Variants in TRAK1 observed in about 807,000 individuals in gnomAD.
The protein encoded by TRAK1 is trafficking kinesin protein 1.
A neutral mutation model predicts 92.1 loss-of-function variants in TRAK1; 33 were observed. The observed-to-expected ratio is 0.36, with a 90% CI of 0.27 to 0.48. The LOEUF (loss-of-function observed/expected upper bound fraction) is 0.48, where lower values mean the gene tolerates loss of function less well. Ranked by LOEUF, TRAK1 falls within the 20% of genes least tolerant of loss-of-function variation. The pLI is 0.99. For missense variants in TRAK1, 1,123 were observed against 1,257.9 expected, an observed-to-expected ratio of 0.89 and a Z score of 1.62; for synonymous variants, 521 against 517.3, an observed-to-expected ratio of 1.01 and a Z score of -0.10.
intron 1 of TRAK1, among the ~76,000 whole-genome samples, chr3:42,075,472 A>AGAATGATT (rs1375808714): frequency 1.3e-5 from 2 of 151,994 alleles, no homozygotes; most frequent in African/African-American, 4.8e-5. Flanking sequence ...TGTTTATGGT[A>AGAATGATT]GAATGATTTC....
At chr3:42,144,097 G>C (rs368932049) in intron 2 of TRAK1, among the ~76,000 whole-genome samples, 6 of 151,960 alleles carry the variant, frequency 3.9e-5, no homozygotes. Flanking sequence ...ATGGTGCCTC[G>C]CTCCCTACCT....
intron 1 of TRAK1, among the ~76,000 whole-genome samples, chr3:42,018,266 TAAAA>T (rs11289370): frequency 6.8e-6 from 1 of 146,040 alleles, no homozygotes; most frequent in Non-Finnish European, 1.5e-5. Flanking sequence ...AGACCCCATC[TAAAA>T]AAAAAAAAAA....
intron 2 of TRAK1, among the ~76,000 whole-genome samples, chr3:42,136,397 G>T (rs1471376126): frequency 1.3e-5 from 2 of 152,152 alleles, no homozygotes; most frequent in Admixed American, 1.3e-4. Flanking sequence ...GGCCTAGGCA[G>T]GAGGATTGCT....
At chr3:42,129,275 C>T (rs1696879475) in intron 2 of TRAK1, among the ~76,000 whole-genome samples, 2 of 151,690 alleles carry the variant, frequency 1.3e-5, no homozygotes, top group Admixed American at 6.6e-5. Context: ...TAGCCTGCAT[C>T]GATTAGGGCA....
At chr3:42,190,425 T>G (rs955573171) in intron 6 of TRAK1, among the ~76,000 whole-genome samples, 1 of 152,206 alleles carries the variant, frequency 6.6e-6, no homozygotes, top group Non-Finnish European at 1.5e-5. Context: ...TTCCAGCACC[T>G]TGTTCACTGA....
intron 2 of TRAK1, among the ~76,000 whole-genome samples, chr3:42,176,001 C>T (rs1051989712): frequency 1.3e-5 from 2 of 152,114 alleles, no homozygotes; most frequent in African/African-American, 4.8e-5. Flanking sequence ...TGTTGAGCGG[C>T]GAATCAGTTC....
At chr3:42,186,517 G>A (rs1182845690) in intron 4 of TRAK1, among the ~76,000 whole-genome samples, 1 of 152,228 alleles carries the variant, frequency 6.6e-6, no homozygotes, top group Non-Finnish European at 1.5e-5. Flanking sequence ...GAGAAATAAA[G>A]TGATTCGTGC....
At position 42,202,206 on chromosome 3, in the gene TRAK1, C is replaced by T. The variant is rs531952599; in HGVS notation, c.1428-230C>T. ...CTTAGTCTGTGTGCAGATATTCATC[C>T]CACCTTAGTCCTCACCCCACCTCAA... On this transcript the variant is annotated intron_variant, in intron 12 of 15. Coordinates refer to ENST00000327628, the MANE Select transcript of TRAK1 (RefSeq NM_001042646.3). This position sits in a 1 kb window ranked among gnomAD's most constrained non-coding sequence, Gnocchi z 6.1. Among the ~76,000 whole-genome samples the T allele has an allele frequency of 1.1e-4, 16 of 152,112 alleles. No individual in the cohort carries two copies. Among genetic ancestry groups the T allele is most frequent in the Non-Finnish European group, 2.2e-4 (15 of 68,024 alleles).
At chr3:42,097,757 C>T (rs1241980588) in intron 1 of TRAK1, among the ~76,000 whole-genome samples, 1 of 152,208 alleles carries the variant, frequency 6.6e-6, no homozygotes, top group Non-Finnish European at 1.5e-5. Flanking sequence ...ACCTGCTGGG[C>T]GTACCTGAAC....
At chr3:42,218,763 CAGACATCTT>C in intron 14 of TRAK1, 1 of 985,368 alleles carries the variant, frequency 1.0e-6, no homozygotes, top group Non-Finnish European at 1.2e-6. Context: ...CATTAGAAAT[CAGACATCTT>C]AGAGATGTCA....
In TRAK1 at chr3:42,219,486, C is replaced by G. The variant is rs1710100261; in HGVS notation, c.1964-8C>G. On this transcript the variant is annotated splice_polypyrimidine_tract_variant and splice_region_variant and intron_variant, in intron 14 of 15. Coordinates refer to ENST00000327628, the MANE Select transcript of TRAK1 (RefSeq NM_001042646.3). ...TGCAAGGAATATGTTTTGTTCCTCC[C>G]AATTTAGCGCACCATCCTGGGAAGT... 6.2e-7 allele frequency: 1 copy of G among 1,613,804 alleles called. No individual in the cohort carries two copies. The highest frequency in any genetic ancestry group is 1.3e-5 in the African/African-American group (1 of 74,864).
At chr3:42,030,187 A>T (rs1345319307) in intron 1 of TRAK1, among the ~76,000 whole-genome samples, 1 of 152,108 alleles carries the variant, frequency 6.6e-6, no homozygotes, top group East Asian at 1.9e-4. Context: ...TAATCCCAGC[A>T]CTTTGGGAGG....
intron 2 of TRAK1, among the ~76,000 whole-genome samples, chr3:42,159,545 G>C (rs1208789816): frequency 6.6e-6 from 1 of 152,202 alleles, no homozygotes. Flanking sequence ...TTAGGCTTTA[G>C]ATTTTTTTCT....
At chr3:42,067,449 C>T (rs1004935769) in intron 1 of TRAK1, among the ~76,000 whole-genome samples, 2 of 152,182 alleles carry the variant, frequency 1.3e-5, no homozygotes, top group Non-Finnish European at 2.9e-5. Flanking sequence ...TCCATAGCTG[C>T]AGAATCTGTT....
At chr3:42,101,742 C>T (rs1706782330) in intron 1 of TRAK1, among the ~76,000 whole-genome samples, 1 of 152,144 alleles carries the variant, frequency 6.6e-6, no homozygotes, top group Non-Finnish European at 1.5e-5. Flanking sequence ...CTGGGTTTCC[C>T]CTTAAGCCAT....
chr3:42,147,324 T>G (rs187401480), intron 2 of TRAK1, among the ~76,000 whole-genome samples: 6 of 152,284 alleles, frequency 3.9e-5, no homozygotes, highest in Admixed American at 1.3e-4. Flanking sequence ...ATATATACTT[T>G]GACCAGAAAG....
chr3:42,097,570 T>G (rs1205923009), intron 1 of TRAK1, among the ~76,000 whole-genome samples: 1 of 152,224 alleles, frequency 6.6e-6, no homozygotes, highest in Non-Finnish European at 1.5e-5. Flanking sequence ...TATTGTCTTT[T>G]CTGTGATCTG....
chr3:42,103,507 C>CTG (rs1707091844), intron 1 of TRAK1, among the ~76,000 whole-genome samples: 1 of 152,158 alleles, frequency 6.6e-6, no homozygotes, highest in African/African-American at 2.4e-5. Flanking sequence ...AAGATTTCTA[C>CTG]TGTCATTGTT....
upstream of TRAK1, among the ~76,000 whole-genome samples, chr3:42,084,028 A>T (rs2148954330): frequency 6.6e-6 from 1 of 152,194 alleles, no homozygotes; most frequent in African/African-American, 2.4e-5. Context: ...ATTATATCCA[A>T]GAGTTTATTA....
Sources: allele counts gnomAD v4.1 joint callset (sites outside exome capture counted in the v4.1 genomes callset), GRCh38; gene constraint gnomAD v4.1.1; non-coding constraint Gnocchi (gnomAD v3.1); transcripts MANE v1.5; gene names NCBI Gene and HGNC (gene_info 2026-07-23, HGNC 2026-07-21).